NBPF20: variants seen among roughly 807,000 people sequenced by gnomAD.
NBPF20 encodes NBPF family member NBPF20.
A neutral mutation model predicts 68.1 loss-of-function variants in NBPF20; 90 were observed. The observed-to-expected ratio is 1.32, with a 90% CI of 1.11 to 1.58. NBPF20 has a LOEUF of 1.58. Among genes scored for constraint, NBPF20 ranks in the 40% most tolerant of loss-of-function variants. The pLI, the probability that NBPF20 is intolerant of heterozygous loss-of-function variation, is 0.00. For synonymous variants in NBPF20, 290 were observed against 228.1 expected (o/e 1.27, Z -2.45); for missense variants, 816 against 601.2 (o/e 1.36, Z -3.74).
upstream of NBPF20, chr1:145,405,684 C>G (rs1393209435): frequency 1.8e-6 from 1 of 547,232 alleles, no homozygotes; most frequent in Non-Finnish European, 3.2e-6. Flanking sequence ...AGGGTCACCA[C>G]CAATGGGGAT....
chr1:145,338,067 C>A (rs1421825667), intron 79 of NBPF20, among the ~76,000 whole-genome samples: 1,815 of 68,948 alleles, frequency 0.026, 46 homozygotes, highest in Non-Finnish European at 0.039. Context: ...AGAGAGAGAA[C>A]GAGCTCAGTG....
intron 2 of NBPF20, among the ~76,000 whole-genome samples, chr1:145,404,736 T>C (rs1446688336): frequency 6.6e-6 from 1 of 152,146 alleles, no homozygotes; most frequent in East Asian, 1.9e-4. Flanking sequence ...AAAAGTTCAC[T>C]AGTCCTAGAC....
intron 112 of NBPF20, among the ~76,000 whole-genome samples, chr1:145,311,864 T>C (rs1228589327): frequency 1.8e-5 from 2 of 111,908 alleles, no homozygotes; most frequent in Non-Finnish European, 3.6e-5. Flanking sequence ...AGCGAGGATT[T>C]TAGATGCTGA....
chr1:145,292,240 G>A (rs1553658058), intron 137 of NBPF20, 141 bp downstream of exon 142: 3 of 667,244 alleles, frequency 4.5e-6, no homozygotes, highest in African/African-American at 1.9e-5. Flanking sequence ...AACATCTACT[G>A]CAATGAAAAC....
the NBPF20 span, among the ~76,000 whole-genome samples, chr1:145,423,556 G>A: frequency 1.2e-4 from 18 of 151,892 alleles, no homozygotes; most frequent in Non-Finnish European, 2.4e-4. Context: ...TCGTAGAAAG[G>A]ACACATATCC....
chr1:145,393,472 C>A (rs1662031686), intron 9 of NBPF20, among the ~76,000 whole-genome samples: 1 of 151,758 alleles, frequency 6.6e-6, no homozygotes, highest in South Asian at 2.1e-4. Context: ...CACACACACA[C>A]ACACACACAC....
chr1:145,398,172 T>A (rs1662352622), intron 7 of NBPF20, among the ~76,000 whole-genome samples: 3 of 151,832 alleles, frequency 2.0e-5, no homozygotes. Context: ...GACAGATCAA[T>A]GAGACAGAAG....
chr1:145,393,311 G>A (rs1170486639), intron 9 of NBPF20, 65 bp from the exon 15 acceptor site: 1 of 678,702 alleles, frequency 1.5e-6, no homozygotes, highest in Non-Finnish European at 2.7e-6. Context: ...GCCCCAGCTA[G>A]ATTTCATGGC....
intron 136 of NBPF20, 111 bp from the exon 142 acceptor site, chr1:145,292,600 G>A: frequency 6.7e-6 from 5 of 747,584 alleles, no homozygotes; most frequent in Non-Finnish European, 9.6e-6. Context: ...CATAAGAATA[G>A]GACACTTTGA....
the NBPF20 span, among the ~76,000 whole-genome samples, chr1:145,411,263 C>T: frequency 6.7e-6 from 1 of 149,798 alleles, no homozygotes; most frequent in Admixed American, 6.7e-5. Context: ...AACATAACAA[C>T]TCTTCTGATC....
At chr1:145,352,376 G>A (rs1283723338) in intron 61 of NBPF20, among the ~76,000 whole-genome samples, 314 of 57,740 alleles carry the variant, frequency 5.4e-3, no homozygotes, top group East Asian at 0.018. Context: ...AATTGTCCAG[G>A]TGACACACTG....
At chr1:145,421,647 T>C in the NBPF20 span, among the ~76,000 whole-genome samples, 11 of 152,262 alleles carry the variant, frequency 7.2e-5, no homozygotes, top group South Asian at 1.4e-3. Context: ...ATTGAACACA[T>C]ACAAAATAAT....
chr1:145,291,916 T>A (rs373377739), intron 137 of NBPF20, 147 bp from the exon 143 acceptor site: 4 of 1,516,592 alleles, frequency 2.6e-6, no homozygotes, highest in African/African-American at 1.4e-5. Context: ...TTATTGCCTA[T>A]ATGTTGGGAT....
At chr1:145,419,844 A>G in the NBPF20 span, among the ~76,000 whole-genome samples, 2 of 152,178 alleles carry the variant, frequency 1.3e-5, no homozygotes, top group African/African-American at 2.4e-5. Flanking sequence ...TCAGTGAAAG[A>G]AGGCGTCCAC....
chr1:145,392,826 G>A (rs190839897), intron 10 of NBPF20, among the ~76,000 whole-genome samples: 2 of 94,844 alleles, frequency 2.1e-5, no homozygotes, highest in South Asian at 3.2e-4. Context: ...TGCCCAGGTC[G>A]AACGTCATGA....
intron 7 of NBPF20, among the ~76,000 whole-genome samples, chr1:145,397,509 A>G (rs1311930167): frequency 6.6e-6 from 1 of 152,236 alleles, no homozygotes; most frequent in Non-Finnish European, 1.5e-5. Context: ...AAGGAGAAAT[A>G]AATCCTTTAC....
the NBPF20 span, among the ~76,000 whole-genome samples, chr1:145,424,579 G>C: frequency 4.6e-5 from 7 of 152,200 alleles, no homozygotes; most frequent in Admixed American, 3.3e-4. Context: ...AGGTATCACT[G>C]CAAGAAAAGA....
At chr1:145,401,008 T>C (rs1259517070) in intron 5 of NBPF20, 51 bp downstream of exon 10, 65 of 1,528,052 alleles carry the variant, frequency 4.3e-5, no homozygotes, top group Non-Finnish European at 5.8e-5. Context: ...GCCTCCTAGA[T>C]ATTCCTCATA....
At chr1:145,425,193 T>C in the NBPF20 span, among the ~76,000 whole-genome samples, 1 of 152,128 alleles carries the variant, frequency 6.6e-6, no homozygotes, top group Non-Finnish European at 1.5e-5. Flanking sequence ...CGCATGGAAC[T>C]TAAGCCCCGG....
Sources: allele counts gnomAD v4.1 joint callset (sites outside exome capture counted in the v4.1 genomes callset), GRCh38; gene constraint gnomAD v4.1.1; transcripts MANE v1.5; gene names NCBI Gene and HGNC (gene_info 2026-07-23, HGNC 2026-07-21).